The following TNFRSF19 variants were observed in gnomAD, a reference collection of about 807,000 sequenced individuals.
TNFRSF19 encodes the protein tumor necrosis factor receptor superfamily member 19.
TNFRSF19 carries 27 observed loss-of-function variants against 46.4 expected under a neutral mutation model. The observed-to-expected ratio is 0.58, with a 90% CI of 0.43 to 0.80. TNFRSF19 has a LOEUF of 0.80. Ranked by LOEUF, TNFRSF19 falls within the 30% of genes least tolerant of loss-of-function variation. The pLI is 0.00. For missense variants in TNFRSF19, 511 were observed against 530.8 expected (o/e 0.96, Z 0.37); for synonymous variants, 204 against 205.0 (o/e 1.00, Z 0.04).
chr13:23,667,750 A>G (rs1951668929), intron 7 of TNFRSF19, among the ~76,000 whole-genome samples: 1 of 151,024 alleles, frequency 6.6e-6, no homozygotes, highest in Non-Finnish European at 1.5e-5. Flanking sequence ...CCAGCCCCCT[A>G]GCATCCCCCC....
intron 5 of TNFRSF19, among the ~76,000 whole-genome samples, chr13:23,638,225 T>C (rs1882817728): frequency 6.6e-6 from 1 of 151,648 alleles, no homozygotes; most frequent in Admixed American, 6.5e-5. Flanking sequence ...GTTCCTTTAC[T>C]CTCTCATGTT....
rs1951812581 is a variant in TNFRSF19 at position 23,675,258 on chromosome 13, A to G, written c.*1878A>G. ...ACTGTTTGAAATCTGGTCTGTTTGC[A>G]TTTCTGTTATGACAGAGAGATGATG... On this transcript the variant is annotated 3_prime_UTR_variant, in exon 10 of 10. Transcript: ENST00000248484. 1 of 151,524 alleles carries G rather than the reference A, an allele frequency of 6.6e-6. No homozygotes were observed. Among genetic ancestry groups the G allele is most frequent in the African/African-American group, 2.4e-5 (1 of 40,830 alleles). 9.4% of individuals were successfully genotyped at this position (151,524 alleles called of 1,614,324 possible).
At chr13:23,657,728 C>T (rs1429158220) in intron 5 of TNFRSF19, among the ~76,000 whole-genome samples, 1 of 152,056 alleles carries the variant, frequency 6.6e-6, no homozygotes, top group African/African-American at 2.4e-5. Context: ...GAGTCTCGCT[C>T]TGTCGTCCAG....
chr13:23,646,455 C>A (rs540715448), intron 5 of TNFRSF19, among the ~76,000 whole-genome samples: 1 of 152,288 alleles, frequency 6.6e-6, no homozygotes, highest in South Asian at 2.1e-4. Context: ...TCCCTTCCCC[C>A]ACCCCTAGTA....
chr13:23,605,651 C>T (rs186164890), intron 3 of TNFRSF19, among the ~76,000 whole-genome samples: 96 of 152,130 alleles, frequency 6.3e-4, no homozygotes, highest in African/African-American at 1.8e-3. Context: ...GCTATCAAGC[C>T]GTGAAAAGAC....
chr13:23,633,111 CTTTTT>C (rs34800120), intron 5 of TNFRSF19, among the ~76,000 whole-genome samples: 1 of 136,136 alleles, frequency 7.3e-6, no homozygotes, highest in Non-Finnish European at 1.6e-5. Flanking sequence ...TTGTTGACGT[CTTTTT>C]TTTTTTTTTT....
intron 7 of TNFRSF19, among the ~76,000 whole-genome samples, chr13:23,660,858 A>G (rs1884319357): frequency 6.6e-6 from 1 of 152,184 alleles, no homozygotes; most frequent in South Asian, 2.1e-4. Flanking sequence ...TATTTTAAAA[A>G]TATGTCTATT....
intron 7 of TNFRSF19, among the ~76,000 whole-genome samples, chr13:23,663,939 A>C (rs1372347036): frequency 6.6e-6 from 1 of 151,978 alleles, no homozygotes; most frequent in Non-Finnish European, 1.5e-5. Context: ...TATTTCTTCA[A>C]AAAAACAACT....
intron 1 of TNFRSF19, among the ~76,000 whole-genome samples, chr13:23,579,698 C>G (rs1195443894): frequency 1.3e-5 from 2 of 152,292 alleles, no homozygotes; most frequent in African/African-American, 4.8e-5. Flanking sequence ...AGGGAACCCC[C>G]GAAGGGGCTG....
chr13:23,617,687 C>G (rs972593152), intron 4 of TNFRSF19, among the ~76,000 whole-genome samples: 2 of 152,200 alleles, frequency 1.3e-5, no homozygotes, highest in Non-Finnish European at 2.9e-5. Context: ...GCAGGGGCAG[C>G]AAACATTTAT....
chr13:23,648,765 A>C lies in TNFRSF19; in HGVS notation c.446-10285A>C, dbSNP rs138643404. Among the ~76,000 whole-genome samples, 802 of 152,328 alleles carry C rather than the reference A, an allele frequency of 5.3e-3. 6 individuals carry two copies. The highest frequency in any genetic ancestry group is 0.018 in the African/African-American group (761 of 41,596). On this transcript the variant is annotated intron_variant, in intron 5 of 9. Transcript: ENST00000248484. ...CTTTGTCATGTTAAGGAAGTTTCCT[A>C]GTTCATTGAGTGTTTTTATCATGAA... is the stretch of plus-strand genomic sequence containing the variant.
intron 1 of TNFRSF19, among the ~76,000 whole-genome samples, chr13:23,571,512 A>G (rs766492419): frequency 6.6e-6 from 1 of 152,202 alleles, no homozygotes; most frequent in African/African-American, 2.4e-5. Flanking sequence ...CTTTGGAAAT[A>G]GCATAAGCCT....
intron 5 of TNFRSF19, among the ~76,000 whole-genome samples, chr13:23,644,061 T>A (rs1380875276): frequency 1.3e-5 from 2 of 152,252 alleles, no homozygotes; most frequent in Non-Finnish European, 2.9e-5. Context: ...GGGTTCTGCC[T>A]TGATTCACTT....
intron 2 of TNFRSF19, among the ~76,000 whole-genome samples, chr13:23,590,579 C>T (rs1182485339): frequency 6.6e-6 from 1 of 152,228 alleles, no homozygotes; most frequent in Non-Finnish European, 1.5e-5. Context: ...AGGTGATCCG[C>T]CTGCTTTGGC....
At chr13:23,658,952 G>A (rs1325812871) in intron 5 of TNFRSF19, 98 bp from the exon 6 acceptor site, 4 of 1,509,762 alleles carry the variant, frequency 2.6e-6, no homozygotes, top group Non-Finnish European at 2.7e-6. Context: ...TTTTCTCACA[G>A]CATGGGAAGG....
intron 5 of TNFRSF19, among the ~76,000 whole-genome samples, chr13:23,632,312 A>G (rs913673065): frequency 6.6e-6 from 1 of 152,250 alleles, no homozygotes; most frequent in Non-Finnish European, 1.5e-5. Flanking sequence ...TATCTGAGGC[A>G]GCAGAGAAGG....
intron 3 of TNFRSF19, among the ~76,000 whole-genome samples, chr13:23,606,932 T>C (rs1269630256): frequency 2.0e-5 from 3 of 152,222 alleles, no homozygotes; most frequent in Admixed American, 6.5e-5. Context: ...TGCAACAGCA[T>C]ATGTCTTTCA....
In TNFRSF19 at chr13:23,638,114, G is replaced by T. The variant is rs539646061; in HGVS notation, c.445+11322G>T. ...GGTGTCTTTTCTGTTTCTCGGTGCAGAAGTTTAAAAGCTTCATTGTTTCAT... is the reference window on the plus strand; with the variant it reads ...GGTGTCTTTTCTGTTTCTCGGTGCATAAGTTTAAAAGCTTCATTGTTTCAT... On this transcript the variant is annotated intron_variant, in intron 5 of 9. Coordinates refer to ENST00000248484, the MANE Select transcript of TNFRSF19 (RefSeq NM_148957.4). 2.3e-3 allele frequency among the ~76,000 whole-genome samples: 354 copies of T among 152,152 alleles called. 1 individual carries two copies. Among genetic ancestry groups the T allele is most frequent in the African/African-American group, 8.1e-3 (337 of 41,426 alleles).
rs769262126 is a variant in TNFRSF19 at position 23,660,358 on chromosome 13, C to A, written c.611-7C>A. 1 of 1,612,890 alleles carries A rather than the reference C, an allele frequency of 6.2e-7. No individual in the cohort carries two copies. Among genetic ancestry groups the A allele is most frequent in the Non-Finnish European group, 8.5e-7 (1 of 1,179,394 alleles). ...GTTCCCTGACAGAGTTCTCACCCCT[C>A]ATTTAGGGTCTCTGCGGTCACAGGA... On this transcript the variant is annotated splice_region_variant and splice_polypyrimidine_tract_variant and intron_variant, in intron 6 of 9. Transcript: ENST00000248484.
Sources: gnomAD v4.1 joint callset for allele counts (sites outside exome capture counted in the v4.1 genomes callset) on GRCh38, gnomAD v4.1.1 for gene constraint, MANE v1.5 for transcripts, NCBI Gene and HGNC (gene_info 2026-07-23, HGNC 2026-07-21) for gene names.